SCTR: variants seen among roughly 807,000 people sequenced by gnomAD.
SCTR encodes pancreatic secretin receptor.
In SCTR, 56 loss-of-function variants were observed where a neutral mutation model predicts 60.8. The observed-to-expected ratio is 0.92, with a 90% CI of 0.74 to 1.15. SCTR has a LOEUF of 1.15. Among genes scored for constraint, SCTR ranks in the 50% most tolerant of loss-of-function variants. SCTR has a pLI of 0.00. For synonymous variants in SCTR, 202 were observed against 217.0 expected, an observed-to-expected ratio of 0.93 and a Z score of 0.61; for missense variants, 562 against 550.4, an observed-to-expected ratio of 1.02 and a Z score of -0.21.
rs1677118841 is a variant in SCTR at position 119,473,497 on chromosome 2, G to A, written c.361C>T (p.Leu121=). Reference sequence around the variant, plus strand: ...TCGTTCACATTAACGCCACAGGCCAGATTAGGCCTGGGGAAGGTTTCTGAC... The same window carrying A: ...TCGTTCACATTAACGCCACAGGCCAAATTAGGCCTGGGGAAGGTTTCTGAC... The part of the protein sequence containing the change: ...GWSETFPRPN[L]ACGVNVNDSS... The change falls in exon 4 of 13, where the codon CTG becomes TTG. Residue 121 remains leucine, a synonymous_variant. Coordinates refer to ENST00000019103, the MANE Select transcript of SCTR (RefSeq NM_002980.3). 1.2e-6 allele frequency: 2 copies of A among 1,613,914 alleles called. No individual in the cohort carries two copies. The highest frequency in any genetic ancestry group is 1.7e-6 in the Non-Finnish European group (2 of 1,179,802).
chr2:119,468,844 A>G (rs894152498), intron 4 of SCTR, among the ~76,000 whole-genome samples: 1 of 152,144 alleles, frequency 6.6e-6, no homozygotes, highest in African/African-American at 2.4e-5. Context: ...TGGGTCCATG[A>G]CACCTGGAGG....
rs549670728 is a variant in SCTR at position 119,468,403 on chromosome 2, G to T, written c.406-2517C>A. ...CCAGGAGACAAGGGTTCCAAACCCG[G>T]ACTGTGACTCACCAACTGTGTGACC... On this transcript the variant is annotated intron_variant, in intron 4 of 12. Coordinates refer to ENST00000019103, the MANE Select transcript of SCTR (RefSeq NM_002980.3). Among the ~76,000 whole-genome samples, 3 of 152,316 alleles carry T rather than the reference G, an allele frequency of 2.0e-5. No homozygotes were observed. The South Asian group carries it at 6.2e-4, about 32-fold the overall frequency.
intron 1 of SCTR, among the ~76,000 whole-genome samples, chr2:119,497,405 C>T (rs1678393876): frequency 6.6e-6 from 1 of 150,482 alleles, no homozygotes; most frequent in South Asian, 2.1e-4. Flanking sequence ...AGTTCCATAA[C>T]ATAAAATGAA....
At chr2:119,484,397 A>G (rs766436771) in intron 2 of SCTR, among the ~76,000 whole-genome samples, 18 of 152,084 alleles carry the variant, frequency 1.2e-4, no homozygotes, top group Non-Finnish European at 2.1e-4. Flanking sequence ...CAATGCCACC[A>G]CCTGGGGAGG....
At chr2:119,484,994 C>G (rs535404517) in intron 2 of SCTR, among the ~76,000 whole-genome samples, 64 of 152,252 alleles carry the variant, frequency 4.2e-4, no homozygotes, top group African/African-American at 1.5e-3. Flanking sequence ...ATGGGCAGAC[C>G]ACACACAGCC....
intron 1 of SCTR, among the ~76,000 whole-genome samples, chr2:119,506,254 C>T (rs961651864): frequency 1.3e-5 from 2 of 152,116 alleles, no homozygotes; most frequent in Admixed American, 6.5e-5. Flanking sequence ...TTAAACAATC[C>T]AGATGTTTTC....
rs752587450 is a variant in SCTR, at chr2:119,465,856, A to G, written c.436T>C (p.Tyr146His). The change falls in exon 5 of 13, where the codon TAC (tyrosine) becomes CAC (histidine). Residue 146 changes from tyrosine to histidine, a missense_variant. By Grantham distance (83) the Tyr-to-His change is moderately conservative. Coordinates refer to ENST00000019103, the MANE Select transcript of SCTR (RefSeq NM_002980.3). ...HSYLLKLKVM[Y>H]TVGYSSSLVM... ...AGGGAGGAGCTGTAGCCCACGGTGT[A>G]CATGACTTTCAGCTTCAGCAGGTAG... 2.5e-6 allele frequency: 4 copies of G among 1,613,936 alleles called. No homozygotes were observed. The highest frequency in any genetic ancestry group is 3.4e-6 in the Non-Finnish European group (4 of 1,179,936).
rs376996847 is a variant in SCTR, at chr2:119,494,541, G to T, written c.80C>A (p.Ala27Asp). ...LLACAAHSTG[A>D]LPRLCDVLQV... The stretch of plus-strand genomic sequence containing the variant: ...TAGCACGTCACATAGTCGGGGAAGG[G>T]CTCCAGTCTGCAAGTCCAAAACCAG... Residue 27 changes from alanine to aspartate, a missense_variant, in exon 2 of 13, where the codon GCC becomes GAC. By Grantham distance (126) the Ala-to-Asp change is moderately radical (BLOSUM62 -2). Coordinates refer to ENST00000019103, the MANE Select transcript of SCTR (RefSeq NM_002980.3). The T allele has an allele frequency of 9.5e-4, 1,526 of 1,613,802 alleles. 20 individuals carry two copies. The South Asian group carries it at 0.015, about 16-fold the overall frequency.
intron 1 of SCTR, among the ~76,000 whole-genome samples, chr2:119,503,488 A>G (rs1490627174): frequency 6.6e-6 from 1 of 152,194 alleles, no homozygotes; most frequent in Non-Finnish European, 1.5e-5. Context: ...GTGAGCCATG[A>G]TAGCACTACT....
intron 7 of SCTR, among the ~76,000 whole-genome samples, chr2:119,454,081 C>T (rs2579642): frequency 0.61 from 92,278 of 151,916 alleles, 28,977 homozygotes; most frequent in Non-Finnish European, 0.69. Context: ...AGAGGAGAGA[C>T]GGCAACACGC....
intron 1 of SCTR, among the ~76,000 whole-genome samples, chr2:119,512,394 TC>T: frequency 6.8e-6 from 1 of 146,000 alleles, no homozygotes; most frequent in Non-Finnish European, 1.5e-5. Context: ...CTTCTCCTTC[TC>T]CTTCTTCTTC....
chr2:119,502,846 G>GAAA (rs1389350891), intron 1 of SCTR, among the ~76,000 whole-genome samples: 1 of 150,084 alleles, frequency 6.7e-6, no homozygotes, highest in African/African-American at 2.5e-5. Context: ...AAGAAAGAAA[G>GAAA]AAAAGAAAAA....
At chr2:119,452,159 G>A in intron 8 of SCTR, 80 bp from the exon 9 acceptor site, 1 of 841,022 alleles carries the variant, frequency 1.2e-6, no homozygotes. Flanking sequence ...GTTCCCTGAG[G>A]TGGCCCTTGG....
chr2:119,477,251 G>A (rs1190333889), intron 3 of SCTR, among the ~76,000 whole-genome samples: 2 of 152,172 alleles, frequency 1.3e-5, no homozygotes, highest in Non-Finnish European at 2.9e-5. Context: ...AATGTGGGCA[G>A]AGTGGGATCC....
At chr2:119,491,657 G>A (rs186640673) in intron 2 of SCTR, among the ~76,000 whole-genome samples, 24 of 152,082 alleles carry the variant, frequency 1.6e-4, no homozygotes, top group East Asian at 9.7e-4. Flanking sequence ...GATTACAGGC[G>A]CCCACAACCA....
chr2:119,524,317 G>C lies in SCTR; in HGVS notation c.-91C>G. ...GCTCAGCGCCCCGCGCAGGGTCCCGGGCTCCGGCCGGCCGCTGCGCCCCGA... is the reference window on the plus strand; with the variant it reads ...GCTCAGCGCCCCGCGCAGGGTCCCGCGCTCCGGCCGGCCGCTGCGCCCCGA... On this transcript the variant is annotated 5_prime_UTR_variant, in exon 1 of 13. Coordinates refer to ENST00000019103, the MANE Select transcript of SCTR (RefSeq NM_002980.3). The C allele has an allele frequency of 7.2e-6, 6 of 832,488 alleles. No individual in the cohort carries two copies. The highest frequency in any genetic ancestry group is 1.0e-5 in the Non-Finnish European group (6 of 600,572). The allele number at this position is 832,488 out of a possible 1,614,324, so 51.6% of individuals were successfully genotyped here.
chr2:119,519,565 G>C (rs1294668435), intron 1 of SCTR, among the ~76,000 whole-genome samples: 1 of 151,968 alleles, frequency 6.6e-6, no homozygotes, highest in African/African-American at 2.4e-5. Context: ...CCAGCACTTT[G>C]GGAGGCCAAG....
At position 119,441,472 on chromosome 2, in the gene SCTR, A is replaced by G. The variant is rs887107707; in HGVS notation, c.1182+86T>C. The G allele has an allele frequency of 8.9e-5, 96 of 1,080,262 alleles. 1 individual carries two copies. Among genetic ancestry groups the G allele is most frequent in the Non-Finnish European group, 1.3e-4 (91 of 710,594 alleles). 66.9% of individuals were successfully genotyped at this position (1,080,262 alleles called of 1,614,324 possible). ...TCTGACCCTTTCCATCCCCCTTCCT[A>G]CCACCCCTCCCAGGTAGCTCCTTCT... On this transcript the variant is annotated intron_variant, in intron 12 of 12. Coordinates refer to ENST00000019103, the MANE Select transcript of SCTR (RefSeq NM_002980.3).
intron 7 of SCTR, among the ~76,000 whole-genome samples, chr2:119,455,772 G>A (rs551204341): frequency 1.3e-5 from 2 of 152,254 alleles, no homozygotes; most frequent in East Asian, 1.9e-4. Context: ...TCAGAAAACA[G>A]AGGATAAAAA....
Sources: allele counts gnomAD v4.1 joint callset (sites outside exome capture counted in the v4.1 genomes callset), GRCh38; gene constraint gnomAD v4.1.1; transcripts MANE v1.5; gene names NCBI Gene and HGNC (gene_info 2026-07-23, HGNC 2026-07-21).